Variants in DOCK10 observed in about 807,000 individuals in gnomAD.
DOCK10 encodes the protein dedicator of cytokinesis 10.
In DOCK10, 145 loss-of-function variants were observed where a neutral mutation model predicts 280.1. The ratio of observed to expected loss-of-function variants is 0.52; its 90% CI spans 0.45 to 0.59. DOCK10 has a LOEUF of 0.59. Among genes scored for constraint, DOCK10 ranks in the 20% least tolerant of loss-of-function variants. The probability of loss-of-function intolerance (pLI) is 0.00; values close to 1 mark genes in which losing one functional copy is unlikely to be tolerated. For synonymous variants in DOCK10, 915 were observed against 942.2 expected (o/e 0.97, Z 0.53); for missense variants, 2,368 against 2,651.7 (o/e 0.89, Z 2.35).
At chr2:224,929,728 C>A (rs1011004939) in intron 2 of DOCK10, among the ~76,000 whole-genome samples, 2 of 152,182 alleles carry the variant, frequency 1.3e-5, no homozygotes, top group African/African-American at 4.8e-5. Context: ...TAATCAGAGA[C>A]ACTCCTCAAT....
chr2:224,954,874 C>T (rs78580918), intron 1 of DOCK10, among the ~76,000 whole-genome samples: 4,017 of 152,164 alleles, frequency 0.026, 178 homozygotes, highest in African/African-American at 0.091. Context: ...AAAAGCATTC[C>T]GAGCTGAAGC....
Position 224,886,473 on chromosome 2 carries a change from C to T in DOCK10, c.475G>A (p.Ala159Thr). The change falls in exon 5 of 56, where the codon GCT becomes ACT. Residue 159 changes from alanine to threonine, a missense_variant. Physicochemically the swap from Ala to Thr is moderately conservative, Grantham distance 58 (BLOSUM62 0). Coordinates refer to ENST00000258390, the MANE Select transcript of DOCK10 (RefSeq NM_014689.3). Reference sequence around the variant, plus strand: ...TATTTACTTACTTCATCCTTATCAGCATCTTCATGGTCAATCTCAAAGGAA... The same window carrying T: ...TATTTACTTACTTCATCCTTATCAGTATCTTCATGGTCAATCTCAAAGGAA... Reference protein sequence around the residue: ...SHSFEIDHEDADKDEDTTSHS... With the variant: ...SHSFEIDHEDTDKDEDTTSHS... 6.2e-7 allele frequency: 1 copy of T among 1,610,904 alleles called. No homozygotes were observed. The highest frequency in any genetic ancestry group is 1.3e-5 in the African/African-American group (1 of 74,902).
chr2:224,946,953 G>A (rs774316040), intron 1 of DOCK10: 16 of 1,539,238 alleles, frequency 1.0e-5, no homozygotes, highest in South Asian at 6.1e-5. Flanking sequence ...AAAACTCATC[G>A]TATTGCTATA....
intron 22 of DOCK10, among the ~76,000 whole-genome samples, chr2:224,843,120 G>A (rs1466889383): frequency 6.6e-6 from 1 of 152,198 alleles, no homozygotes; most frequent in East Asian, 1.9e-4. Context: ...ATTGCGGGGA[G>A]TGTCCACCCC....
At chr2:224,873,952 A>C (rs1431035099) in intron 11 of DOCK10, 44 bp downstream of exon 11, 1 of 1,568,242 alleles carries the variant, frequency 6.4e-7, no homozygotes, top group Non-Finnish European at 8.6e-7. Context: ...AGGGTGGTGT[A>C]ATGTTGGCTT....
intron 11 of DOCK10, 88 bp from the exon 12 acceptor site, chr2:224,865,175 A>C: frequency 7.7e-7 from 1 of 1,294,478 alleles, no homozygotes; most frequent in Non-Finnish European, 1.1e-6. Context: ...ACAAAGCAGT[A>C]GATAAAATAC....
At chr2:224,851,969 T>G (rs1696773340) in intron 18 of DOCK10, among the ~76,000 whole-genome samples, 1 of 152,010 alleles carries the variant, frequency 6.6e-6, no homozygotes, top group Non-Finnish European at 1.5e-5. Context: ...AATGTGAGCA[T>G]CCCACGGGTC....
At chr2:224,810,292 C>A (rs913234292) in intron 31 of DOCK10, among the ~76,000 whole-genome samples, 1 of 152,042 alleles carries the variant, frequency 6.6e-6, no homozygotes, top group Non-Finnish European at 1.5e-5. Flanking sequence ...AAGAAGTTAA[C>A]CTCATAGAAG....
intron 1 of DOCK10, among the ~76,000 whole-genome samples, chr2:225,035,563 TATATATATATATA>T (rs1426907685): frequency 1.8e-5 from 1 of 55,906 alleles, no homozygotes. Flanking sequence ...TATATATATA[TATATATATATATA>T]TATATATATA....
intron 9 of DOCK10, 39 bp from the exon 10 acceptor site, chr2:224,874,388 T>A (rs531550047): frequency 2.7e-6 from 4 of 1,500,694 alleles, no homozygotes; most frequent in African/African-American, 2.7e-5. Flanking sequence ...TATCTAAATA[T>A]CCAGATACAG....
chr2:224,784,627 A>G, intron 50 of DOCK10: 1 of 1,011,874 alleles, frequency 9.9e-7, no homozygotes, highest in Non-Finnish European at 1.4e-6. Flanking sequence ...CTCCCTTTGT[A>G]CCAAATGGTG....
chr2:224,990,134 G>A (rs1291665492), intron 1 of DOCK10, among the ~76,000 whole-genome samples: 1 of 152,074 alleles, frequency 6.6e-6, no homozygotes, highest in African/African-American at 2.4e-5. Context: ...TAATTCTTTC[G>A]TTGGTACATT....
At position 224,775,538 on chromosome 2, in the gene DOCK10, C is replaced by T. The variant is rs191201979; in HGVS notation, c.5803-423G>A. On this transcript the variant is annotated intron_variant, in intron 51 of 55. Coordinates refer to ENST00000258390, the MANE Select transcript of DOCK10 (RefSeq NM_014689.3). ...TCTCCTAGGCTGGAGTGCAGTGGCA[C>T]GATCTCGGCTCACTGCAACCTCCCC... Among the ~76,000 whole-genome samples the T allele has an allele frequency of 2.5e-3, 387 of 152,184 alleles. 2 individuals are homozygous for T. Among genetic ancestry groups the T allele is most frequent in the African/African-American group, 8.2e-3 (341 of 41,526 alleles).
intron 1 of DOCK10, among the ~76,000 whole-genome samples, chr2:224,979,588 C>G (rs1705637615): frequency 6.6e-6 from 1 of 152,240 alleles, no homozygotes; most frequent in African/African-American, 2.4e-5. Flanking sequence ...TCTAACACTC[C>G]AGGCTTCTTC....
chr2:224,766,668 A>G (rs954674470), intron 55 of DOCK10, among the ~76,000 whole-genome samples: 1 of 152,226 alleles, frequency 6.6e-6, no homozygotes, highest in Admixed American at 6.5e-5. Context: ...TGTATTGGAT[A>G]CCCATCATCA....
chr2:224,894,818 C>T (rs954713738), intron 4 of DOCK10, among the ~76,000 whole-genome samples: 5 of 152,142 alleles, frequency 3.3e-5, no homozygotes, highest in Non-Finnish European at 4.4e-5. Context: ...TCTTTTTCTT[C>T]GATTGCCACC....
intron 1 of DOCK10, among the ~76,000 whole-genome samples, chr2:224,948,592 T>G (rs940186379): frequency 9.8e-5 from 15 of 152,342 alleles, no homozygotes; most frequent in African/African-American, 3.4e-4. Flanking sequence ...CCTGATTTCC[T>G]GGGGTTAGAT....
At chr2:224,783,658 G>A (rs1361625599) in intron 50 of DOCK10, among the ~76,000 whole-genome samples, 3 of 152,050 alleles carry the variant, frequency 2.0e-5, no homozygotes, top group African/African-American at 7.2e-5. Context: ...TTACTGAGGA[G>A]TCTGAAAGAA....
intron 1 of DOCK10, among the ~76,000 whole-genome samples, chr2:225,018,347 G>A (rs1205908382): frequency 6.6e-6 from 1 of 151,558 alleles, no homozygotes; most frequent in Admixed American, 6.6e-5. Context: ...TGAAATAGGG[G>A]CCGAGTGATA....
Sources: allele counts gnomAD v4.1 joint callset (sites outside exome capture counted in the v4.1 genomes callset), GRCh38; gene constraint gnomAD v4.1.1; transcripts MANE v1.5; gene names NCBI Gene and HGNC (gene_info 2026-07-23, HGNC 2026-07-21).